Variants in RNGTT observed in about 807,000 individuals in gnomAD.
The protein encoded by RNGTT is mRNA-capping enzyme.
Under a neutral mutation model 79.3 loss-of-function variants are expected in RNGTT, and 33 were observed. The observed-to-expected ratio is 0.42, with a 90% CI of 0.32 to 0.56. The LOEUF (loss-of-function observed/expected upper bound fraction) is 0.56. Among genes scored for constraint, RNGTT ranks in the 20% least tolerant of loss-of-function variants. The probability of loss-of-function intolerance (pLI) is 0.17; values close to 1 mark genes in which losing one functional copy is unlikely to be tolerated. For missense variants in RNGTT, 497 were observed against 739.1 expected (o/e 0.67, Z 3.80); for synonymous variants, 222 against 235.9 (o/e 0.94, Z 0.54).
At chr6:88,783,316 A>G (rs1779124800) in intron 12 of RNGTT, among the ~76,000 whole-genome samples, 1 of 152,172 alleles carries the variant, frequency 6.6e-6, no homozygotes. Context: ...GCATGATCTC[A>G]CTTATACATG....
At position 88,757,445 on chromosome 6, in the gene RNGTT, AG is replaced by A. The variant is rs1260234696; in HGVS notation, c.1439+12328del. ...AAATACAAAGGTATTAAATATGCAA[AG>A]CAAACTTAATTATAATGTAAGGCTT... On this transcript the variant is annotated intron_variant, in intron 13 of 15. Transcript: ENST00000369485. Among the ~76,000 whole-genome samples, 5 of 152,372 alleles carry A rather than the reference AG, an allele frequency of 3.3e-5. No individual in the cohort carries two copies. In the East Asian group the frequency reaches 7.7e-4, roughly 23 times the overall value.
At chr6:88,886,134 T>C (rs1214159907) in intron 8 of RNGTT, among the ~76,000 whole-genome samples, 1 of 152,026 alleles carries the variant, frequency 6.6e-6, no homozygotes, top group Non-Finnish European at 1.5e-5. Flanking sequence ...TGAAACTCCG[T>C]CTCTACTAAA....
At position 88,929,037 on chromosome 6, in the gene RNGTT, G is replaced by A. The variant is rs1784403564; in HGVS notation, c.315C>T (p.Thr105=). The part of the protein sequence containing the change: ...GECPTTENTE[T]FIRLCERFNE... ...TAAACCGCTCACACAGACGAATAAA[G>A]GTCTCAGTATTCTCAGTGGTAGGGC... is the stretch of plus-strand genomic sequence containing the variant. Residue 105 remains threonine (T), a synonymous_variant, in exon 4 of 16, where the codon ACC becomes ACT. Coordinates refer to ENST00000369485, the MANE Select transcript of RNGTT (RefSeq NM_003800.5). 2 of 1,612,898 alleles carry A rather than the reference G, an allele frequency of 1.2e-6. No individual in the cohort carries two copies. The highest frequency in any genetic ancestry group is 1.7e-6 in the Non-Finnish European group (2 of 1,179,530).
chr6:88,642,028 TGAGA>T (rs138018201), intron 14 of RNGTT, among the ~76,000 whole-genome samples: 19 of 149,474 alleles, frequency 1.3e-4, no homozygotes, highest in African/African-American at 3.4e-4. Flanking sequence ...CCTTGTCATT[TGAGA>T]GAGAGAGAGA....
At chr6:88,784,626 G>T (rs1411758676) in intron 12 of RNGTT, among the ~76,000 whole-genome samples, 2 of 152,132 alleles carry the variant, frequency 1.3e-5, no homozygotes, top group Non-Finnish European at 2.9e-5. Flanking sequence ...AGTTATCACT[G>T]AACTTGGACA....
intron 13 of RNGTT, among the ~76,000 whole-genome samples, chr6:88,710,460 G>A (rs908495888): frequency 6.6e-6 from 1 of 152,138 alleles, no homozygotes; most frequent in African/African-American, 2.4e-5. Flanking sequence ...AATGATATCT[G>A]CATTAAAATG....
At chr6:88,767,292 G>A (rs1451662173) in intron 13 of RNGTT, among the ~76,000 whole-genome samples, 6 of 151,772 alleles carry the variant, frequency 4.0e-5, no homozygotes, top group South Asian at 2.1e-4. Flanking sequence ...ACATTAAATA[G>A]GTAAAATTTT....
At chr6:88,871,312 T>C (rs1477446201) in intron 8 of RNGTT, among the ~76,000 whole-genome samples, 4 of 151,688 alleles carry the variant, frequency 2.6e-5, no homozygotes, top group African/African-American at 4.8e-5. Flanking sequence ...TTCCATACAA[T>C]AGAATGATTC....
At chr6:88,718,117 G>A (rs908589608) in intron 13 of RNGTT, among the ~76,000 whole-genome samples, 4 of 152,158 alleles carry the variant, frequency 2.6e-5, no homozygotes, top group Non-Finnish European at 5.9e-5. Flanking sequence ...TTATAGCTAG[G>A]TGTGGTGACT....
chr6:88,705,594 T>C (rs1776101888), intron 13 of RNGTT, among the ~76,000 whole-genome samples: 1 of 152,116 alleles, frequency 6.6e-6, no homozygotes, highest in South Asian at 2.1e-4. Context: ...CCTAAAATTC[T>C]TCCTTAATTT....
chr6:88,835,591 C>A (rs1781038393), intron 11 of RNGTT, among the ~76,000 whole-genome samples: 1 of 152,020 alleles, frequency 6.6e-6, no homozygotes, highest in Non-Finnish European at 1.5e-5. Context: ...ACACAGATAA[C>A]CTATTCCCTG....
At chr6:88,726,559 C>G (rs1032061966) in intron 13 of RNGTT, among the ~76,000 whole-genome samples, 3 of 149,398 alleles carry the variant, frequency 2.0e-5, no homozygotes, top group East Asian at 1.9e-4. Context: ...AAGGTCCGAC[C>G]AAACCTAGGA....
chr6:88,666,277 C>A (rs975096946), intron 14 of RNGTT, among the ~76,000 whole-genome samples: 1 of 152,208 alleles, frequency 6.6e-6, no homozygotes. Context: ...AAATAGCAGT[C>A]GGAGTTTTAA....
intron 13 of RNGTT, among the ~76,000 whole-genome samples, chr6:88,693,259 A>C (rs1775546296): frequency 6.6e-6 from 1 of 152,098 alleles, no homozygotes; most frequent in Non-Finnish European, 1.5e-5. Context: ...GATTCAAATA[A>C]ATGAAATCAG....
intron 11 of RNGTT, among the ~76,000 whole-genome samples, chr6:88,824,738 C>T (rs910995876): frequency 2.7e-5 from 4 of 150,196 alleles, no homozygotes; most frequent in East Asian, 1.9e-4. Context: ...ATTGAAAACA[C>T]GTTTGTTTTC....
chr6:88,734,585 T>C (rs1777223088), intron 13 of RNGTT, among the ~76,000 whole-genome samples: 1 of 152,078 alleles, frequency 6.6e-6, no homozygotes, highest in Admixed American at 6.6e-5. Context: ...AAGAAACCCA[T>C]TTTAGACATA....
At chr6:88,641,071 T>C (rs1348880388) in intron 14 of RNGTT, among the ~76,000 whole-genome samples, 1 of 152,136 alleles carries the variant, frequency 6.6e-6, no homozygotes, top group East Asian at 1.9e-4. Context: ...CCGGGTGCGG[T>C]GGCTCATGCC....
chr6:88,727,654 A>T (rs375644923), intron 13 of RNGTT, among the ~76,000 whole-genome samples: 2 of 152,198 alleles, frequency 1.3e-5, no homozygotes, highest in African/African-American at 4.8e-5. Flanking sequence ...CTGGTATAAA[A>T]ATCATACAGG....
Position 88,709,483 on chromosome 6 carries a change from T to C in RNGTT, c.1440-31064A>G, listed in dbSNP as rs141933119. On this transcript the variant is annotated intron_variant, in intron 13 of 15. Coordinates refer to ENST00000369485, the MANE Select transcript of RNGTT (RefSeq NM_003800.5). ...TGCAGTTATCCAATATATAATTGTA[T>C]TGTAATGTTTAAGATCATACAGATC... Among the ~76,000 whole-genome samples, 316 of 152,328 alleles carry C rather than the reference T, an allele frequency of 2.1e-3. 1 individual carries two copies. Among genetic ancestry groups the C allele is most frequent in the Non-Finnish European group, 3.5e-3 (237 of 68,026 alleles).
Sources: allele counts gnomAD v4.1 joint callset (sites outside exome capture counted in the v4.1 genomes callset), GRCh38; gene constraint gnomAD v4.1.1; transcripts MANE v1.5; gene names NCBI Gene and HGNC (gene_info 2026-07-23, HGNC 2026-07-21).